Variants in TMEM132C observed in about 807,000 individuals in gnomAD.
TMEM132C encodes transmembrane protein 132C, also known as protein phosphatase 1, regulatory subunit 152.
A neutral mutation model predicts 61.4 loss-of-function variants in TMEM132C; 29 were observed. The ratio of observed to expected loss-of-function variants is 0.47; its 90% CI spans 0.35 to 0.64. The LOEUF (loss-of-function observed/expected upper bound fraction) is 0.64, where lower values mean the gene tolerates loss of function less well. Ranked by LOEUF, TMEM132C falls within the 30% of genes least tolerant of loss-of-function variation. The probability of loss-of-function intolerance (pLI) is 0.00; values close to 1 mark genes in which losing one functional copy is unlikely to be tolerated. For synonymous variants in TMEM132C, 656 were observed against 633.1 expected, an observed-to-expected ratio of 1.04 and a Z score of -0.54; for missense variants, 1,408 against 1,476.9, an observed-to-expected ratio of 0.95 and a Z score of 0.76.
chr12:128,363,845 GAA>G (rs528314942), intron 1 of TMEM132C, among the ~76,000 whole-genome samples: 13 of 101,380 alleles, frequency 1.3e-4, no homozygotes, highest in African/African-American at 1.9e-4. Flanking sequence ...ACTCTGTCTC[GAA>G]AAAAAAAAAA....
chr12:128,683,693 G>A (rs1200437680), intron 5 of TMEM132C, among the ~76,000 whole-genome samples: 3 of 152,196 alleles, frequency 2.0e-5, no homozygotes, highest in Non-Finnish European at 4.4e-5. Flanking sequence ...GTCGCCAGGC[G>A]CAGTGGCTCA....
At chr12:128,307,980 C>G (rs766788417) in intron 1 of TMEM132C, among the ~76,000 whole-genome samples, 20 of 152,208 alleles carry the variant, frequency 1.3e-4, no homozygotes, top group Non-Finnish European at 2.6e-4. Context: ...GTGGTACATT[C>G]CATGGGAATG....
chr12:128,338,127 G>A (rs1309435414), intron 1 of TMEM132C, among the ~76,000 whole-genome samples: 2 of 151,598 alleles, frequency 1.3e-5, no homozygotes, highest in African/African-American at 4.9e-5. Context: ...GCTATCTGGA[G>A]AACCTCTCAA....
intron 2 of TMEM132C, among the ~76,000 whole-genome samples, chr12:128,418,472 C>A (rs1051679941): frequency 6.6e-6 from 1 of 152,170 alleles, no homozygotes; most frequent in African/African-American, 2.4e-5. Context: ...CCTTAATCTC[C>A]CTCTTTCTCT....
At chr12:128,276,176 C>A (rs1049159435) in intron 1 of TMEM132C, among the ~76,000 whole-genome samples, 2 of 152,126 alleles carry the variant, frequency 1.3e-5, no homozygotes, top group Non-Finnish European at 2.9e-5. Context: ...TGAGGCCATG[C>A]AAACTATTGC....
chr12:128,436,500 C>A (rs541076607), intron 2 of TMEM132C, among the ~76,000 whole-genome samples: 2 of 152,314 alleles, frequency 1.3e-5, no homozygotes, highest in African/African-American at 4.8e-5. Flanking sequence ...TGAACAGACA[C>A]TTCTCAAAAG....
rs181405937 is a variant in TMEM132C at position 128,688,118 on chromosome 12, G to A, written c.1450-5711G>A. Among the ~76,000 whole-genome samples the A allele has an allele frequency of 3.3e-5, 5 of 152,278 alleles. No individual in the cohort carries two copies. In the East Asian group the frequency reaches 5.8e-4, roughly 18 times the overall value. On this transcript the variant is annotated intron_variant, in intron 5 of 8. Transcript: ENST00000435159. ...CGGACTACTACTGGCCCCTTGCCAC[G>A]GGCATGCCACAGTTGCTGGACAGTG... is the stretch of plus-strand genomic sequence containing the variant.
chr12:128,469,346 T>TTG (rs1870853943), intron 2 of TMEM132C, among the ~76,000 whole-genome samples: 1 of 149,112 alleles, frequency 6.7e-6, no homozygotes, highest in African/African-American at 2.5e-5. Flanking sequence ...TTTTTTTTTT[T>TTG]GACAGGATCT....
chr12:128,668,999 C>T (rs2398417), intron 4 of TMEM132C, among the ~76,000 whole-genome samples: 32,651 of 151,970 alleles, frequency 0.21, 3,828 homozygotes, highest in South Asian at 0.35. Context: ...TCACAAATCC[C>T]GGAGATTAGA....
chr12:128,491,193 T>A (rs1871705881), intron 2 of TMEM132C, among the ~76,000 whole-genome samples: 2 of 152,122 alleles, frequency 1.3e-5, no homozygotes, highest in African/African-American at 4.8e-5. Flanking sequence ...ACATTTGTTA[T>A]CATTGATAAG....
intron 5 of TMEM132C, among the ~76,000 whole-genome samples, chr12:128,690,755 A>G (rs1954713813): frequency 6.6e-6 from 1 of 152,154 alleles, no homozygotes; most frequent in South Asian, 2.1e-4. Flanking sequence ...ACTCTTGACC[A>G]TGAATGAGAA....
Position 128,595,469 on chromosome 12 carries a change from G to A in TMEM132C, c.1122-20683G>A, listed in dbSNP as rs536486837. On this transcript the variant is annotated intron_variant, in intron 3 of 8. Transcript: ENST00000435159. ...CCATACCCGCTGTTCACTAAGGGGG[G>A]AAGCTGGGCCCAGGGAGGGGCAAGG... Among the ~76,000 whole-genome samples, 5 of 152,290 alleles carry A rather than the reference G, an allele frequency of 3.3e-5. No homozygotes were observed. In the South Asian group the frequency reaches 1.0e-3, roughly 32 times the overall value.
chr12:128,347,159 A>G (rs1276717600), intron 1 of TMEM132C, among the ~76,000 whole-genome samples: 1 of 152,166 alleles, frequency 6.6e-6, no homozygotes, highest in Non-Finnish European at 1.5e-5. Flanking sequence ...TCTCACTTAC[A>G]GATGAGAACA....
intron 3 of TMEM132C, among the ~76,000 whole-genome samples, chr12:128,610,211 T>A (rs1261771010): frequency 6.6e-6 from 1 of 152,236 alleles, no homozygotes; most frequent in East Asian, 1.9e-4. Flanking sequence ...CGAGTGATTC[T>A]CTTCTCCTGA....
intron 4 of TMEM132C, among the ~76,000 whole-genome samples, chr12:128,644,646 G>A (rs556522145): frequency 7.2e-5 from 11 of 152,258 alleles, no homozygotes; most frequent in African/African-American, 2.6e-4. Flanking sequence ...TCTGCATAAC[G>A]GTGTTCCAAA....
chr12:128,622,400 T>TATATATAA (rs1349334213), intron 4 of TMEM132C, among the ~76,000 whole-genome samples: 1 of 117,332 alleles, frequency 8.5e-6, no homozygotes, highest in Non-Finnish European at 1.8e-5. Context: ...TATATATATA[T>TATATATAA]AACCAGGAAA....
intron 1 of TMEM132C, among the ~76,000 whole-genome samples, chr12:128,395,738 G>A (rs1035545473): frequency 6.3e-4 from 96 of 152,142 alleles, no homozygotes; most frequent in Non-Finnish European, 5.1e-4. Context: ...TCTACTGAAC[G>A]GGCATCACTT....
intron 1 of TMEM132C, among the ~76,000 whole-genome samples, chr12:128,381,636 G>A (rs1009083049): frequency 3.9e-5 from 6 of 152,204 alleles, no homozygotes; most frequent in Non-Finnish European, 8.8e-5. Context: ...TCGCTGCTCT[G>A]AAGATGCCAT....
chr12:128,671,187 T>C (rs557616219), intron 5 of TMEM132C, among the ~76,000 whole-genome samples: 9 of 152,278 alleles, frequency 5.9e-5, no homozygotes, highest in Admixed American at 3.3e-4. Context: ...CACAGGAGAA[T>C]TGAGTAGTTG....
Sources: allele counts gnomAD v4.1 joint callset (sites outside exome capture counted in the v4.1 genomes callset), GRCh38; gene constraint gnomAD v4.1.1; transcripts MANE v1.5; gene names NCBI Gene and HGNC (gene_info 2026-07-23, HGNC 2026-07-21).